The following RBFOX1 variants were observed in gnomAD, a reference collection of about 807,000 sequenced individuals.
RBFOX1 encodes RNA binding fox-1 homolog 1.
Under a neutral mutation model 57.7 loss-of-function variants are expected in RBFOX1, and 8 were observed. That is an observed-to-expected ratio of 0.14 (90% confidence interval 0.08 to 0.25). The LOEUF is 0.25. RBFOX1 is among the 10% of genes least tolerant of loss of function. RBFOX1 has a pLI of 1.00. For missense variants in RBFOX1, 611 were observed against 548.5 expected, an observed-to-expected ratio of 1.11 and a Z score of -1.14; for synonymous variants, 326 against 222.4, an observed-to-expected ratio of 1.47 and a Z score of -4.15.
intron 3 of RBFOX1, among the ~76,000 whole-genome samples, chr16:7,021,960 C>A (rs1177374494): frequency 9.3e-6 from 1 of 107,796 alleles, no homozygotes. Flanking sequence ...TTCTTTCTCT[C>A]TCTCTCTCCC....
rs191161150 is a variant in RBFOX1, at chr16:6,217,859, A to G, written c.-126-99136A>G. On this transcript the variant is annotated intron_variant, in intron 1 of 15. Transcript: ENST00000550418. ...GCAAAACTCTGTATCTAGTAAAACTACAAACATTAGCCTGGTATGGTGGCG... is the reference window on the plus strand; with the variant it reads ...GCAAAACTCTGTATCTAGTAAAACTGCAAACATTAGCCTGGTATGGTGGCG... Among the ~76,000 whole-genome samples, 9 of 152,244 alleles carry G rather than the reference A, an allele frequency of 5.9e-5. No homozygotes were observed. The East Asian group carries it at 1.5e-3, about 26-fold the overall frequency.
intron 4 of RBFOX1, among the ~76,000 whole-genome samples, chr16:7,247,711 T>C (rs1603444591): frequency 6.6e-6 from 1 of 152,206 alleles, no homozygotes; most frequent in Non-Finnish European, 1.5e-5. Flanking sequence ...ACGGGAAACA[T>C]AGCCTCTTTA....
intron 4 of RBFOX1, among the ~76,000 whole-genome samples, chr16:7,295,373 A>G (rs759786468): frequency 1.1e-4 from 17 of 152,284 alleles, no homozygotes; most frequent in African/African-American, 4.1e-4. Flanking sequence ...AGAAGGAGGA[A>G]TGATGGTTTC....
intron 3 of RBFOX1, among the ~76,000 whole-genome samples, chr16:6,679,158 T>G (rs2058230751): frequency 6.6e-6 from 1 of 152,126 alleles, no homozygotes; most frequent in African/African-American, 2.4e-5. Context: ...ATTGCAGTGT[T>G]CCACCCATTC....
chr16:6,989,369 A>G (rs1029044071), intron 3 of RBFOX1, among the ~76,000 whole-genome samples: 2 of 152,204 alleles, frequency 1.3e-5, no homozygotes, highest in African/African-American at 4.8e-5. Flanking sequence ...AGGACATTTT[A>G]TTAAACAGCA....
In RBFOX1 at chr16:6,857,996, A is replaced by T. The variant is rs141333779; in HGVS notation, c.-15-194061A>T. ...AGATGAAGTTGAGAGGGAGATTCTA[A>T]ACCAGCATATGGAAAAGGCAAGGCT... On this transcript the variant is annotated intron_variant, in intron 3 of 15. Coordinates refer to ENST00000550418, the MANE Select transcript of RBFOX1 (RefSeq NM_018723.4). Among the ~76,000 whole-genome samples the T allele has an allele frequency of 2.8e-4, 42 of 152,290 alleles. 1 individual carries two copies. The East Asian group carries it at 7.5e-3, about 27-fold the overall frequency.
At chr16:7,347,272 G>A (rs991773707) in intron 4 of RBFOX1, among the ~76,000 whole-genome samples, 3 of 152,148 alleles carry the variant, frequency 2.0e-5, no homozygotes, top group African/African-American at 4.8e-5. Context: ...AATGAGAGAG[G>A]CTTATTGGGC....
chr16:6,480,954 C>T (rs1340933689), intron 2 of RBFOX1, among the ~76,000 whole-genome samples: 1 of 152,062 alleles, frequency 6.6e-6, no homozygotes, highest in Non-Finnish European at 1.5e-5. Context: ...CTGTTGCCTC[C>T]CCCCACAACC....
At chr16:6,478,359 A>G (rs1443139927) in intron 2 of RBFOX1, among the ~76,000 whole-genome samples, 1 of 125,538 alleles carries the variant, frequency 8.0e-6, no homozygotes, top group Non-Finnish European at 1.6e-5. Flanking sequence ...AGTAGCTGGG[A>G]TTACAGGTAC....
intron 4 of RBFOX1, among the ~76,000 whole-genome samples, chr16:7,076,563 A>G (rs902881664): frequency 6.6e-6 from 1 of 152,228 alleles, no homozygotes; most frequent in Admixed American, 6.5e-5. Flanking sequence ...CACCTGTGGG[A>G]TGCCTGCAGA....
At chr16:6,522,850 C>G (rs957177068) in intron 2 of RBFOX1, among the ~76,000 whole-genome samples, 1 of 151,464 alleles carries the variant, frequency 6.6e-6, no homozygotes, top group Non-Finnish European at 1.5e-5. Context: ...TTCCTGCTCA[C>G]AAACTTCTCT....
chr16:5,552,834 T>C (rs60695748), intron 2 of RBFOX1, among the ~76,000 whole-genome samples: 58,015 of 128,262 alleles, frequency 0.45, 11,420 homozygotes, highest in Admixed American at 0.48. Context: ...GATACAGCCC[T>C]TGGGAAACGA....
intron 4 of RBFOX1, among the ~76,000 whole-genome samples, chr16:5,936,049 C>T (rs192250860): frequency 6.0e-4 from 90 of 150,858 alleles, no homozygotes; most frequent in African/African-American, 2.1e-3. Flanking sequence ...TTTTTTATGT[C>T]AAGAGTGGAA....
At chr16:5,398,795 G>C in intron 1 of RBFOX1, among the ~76,000 whole-genome samples, 1 of 152,252 alleles carries the variant, frequency 6.6e-6, no homozygotes, top group East Asian at 1.9e-4. Flanking sequence ...TGAGCAGCAC[G>C]TTGGAAACCC....
intron 4 of RBFOX1, among the ~76,000 whole-genome samples, chr16:7,123,197 A>G (rs1182066266): frequency 6.6e-6 from 1 of 152,172 alleles, no homozygotes; most frequent in Non-Finnish European, 1.5e-5. Flanking sequence ...TTTATGGTAT[A>G]TTAATTCCAA....
intron 1 of RBFOX1, among the ~76,000 whole-genome samples, chr16:6,134,907 C>T (rs917535688): frequency 6.6e-6 from 1 of 152,104 alleles, no homozygotes; most frequent in South Asian, 2.1e-4. Flanking sequence ...AGGGTTGTTA[C>T]ATATGTATGC....
chr16:6,715,667 A>G (rs886956784), intron 3 of RBFOX1, among the ~76,000 whole-genome samples: 1 of 152,082 alleles, frequency 6.6e-6, no homozygotes, highest in African/African-American at 2.4e-5. Flanking sequence ...TGGAAAACCC[A>G]TTTCTTGAAG....
intron 4 of RBFOX1, among the ~76,000 whole-genome samples, chr16:7,346,463 C>T (rs1046160215): frequency 2.6e-5 from 4 of 152,102 alleles, no homozygotes; most frequent in African/African-American, 9.7e-5. Context: ...GATAATGTCT[C>T]TGCTTTCTGG....
intron 3 of RBFOX1, among the ~76,000 whole-genome samples, chr16:5,708,086 C>T (rs745587298): frequency 8.5e-5 from 13 of 152,206 alleles, no homozygotes; most frequent in East Asian, 5.8e-4. Flanking sequence ...CCAAACAAGA[C>T]GCTTGTTTCG....
Sources: gnomAD v4.1 joint callset for allele counts (sites outside exome capture counted in the v4.1 genomes callset) on GRCh38, gnomAD v4.1.1 for gene constraint, MANE v1.5 for transcripts, NCBI Gene and HGNC (gene_info 2026-07-23, HGNC 2026-07-21) for gene names.